Variants in LRRTM4 observed in about 807,000 individuals in gnomAD.
LRRTM4 encodes leucine-rich repeat transmembrane neuronal protein 4.
In LRRTM4, 25 loss-of-function variants were observed where a neutral mutation model predicts 47.6. The ratio of observed to expected loss-of-function variants is 0.53; its 90% CI spans 0.38 to 0.73. The LOEUF is 0.73. Among genes scored for constraint, LRRTM4 ranks in the 30% least tolerant of loss-of-function variants. The pLI is 0.00. For missense variants in LRRTM4, 638 were observed against 713.4 expected (o/e 0.89, Z 1.20); for synonymous variants, 311 against 269.5 (o/e 1.15, Z -1.51).
chr2:77,176,112 C>T (rs1195226688), intron 3 of LRRTM4, among the ~76,000 whole-genome samples: 1 of 151,860 alleles, frequency 6.6e-6, no homozygotes, highest in Non-Finnish European at 1.5e-5. Context: ...TGTATGAATG[C>T]TTGAGGCTTT....
chr2:76,821,838 G>A (rs1232829518), intron 3 of LRRTM4, among the ~76,000 whole-genome samples: 1 of 151,514 alleles, frequency 6.6e-6, no homozygotes, highest in African/African-American at 2.4e-5. Context: ...TTGCCAAAAT[G>A]GAAGGCAAAG....
chr2:77,160,364 G>T (rs142192422), intron 3 of LRRTM4, among the ~76,000 whole-genome samples: 1 of 152,218 alleles, frequency 6.6e-6, no homozygotes, highest in South Asian at 2.1e-4. Flanking sequence ...TTTGTGAGTA[G>T]TGAGCCATAA....
At chr2:77,330,464 A>G (rs1484402974) in intron 3 of LRRTM4, among the ~76,000 whole-genome samples, 1 of 152,124 alleles carries the variant, frequency 6.6e-6, no homozygotes, top group Non-Finnish European at 1.5e-5. Context: ...GAGAGAAGAG[A>G]TCCTTCAATG....
intron 3 of LRRTM4, among the ~76,000 whole-genome samples, chr2:76,891,724 A>G (rs1673260941): frequency 6.6e-6 from 1 of 151,816 alleles, no homozygotes; most frequent in African/African-American, 2.4e-5. Flanking sequence ...TCCAAATGAA[A>G]AAGATATCTA....
chr2:77,011,797 G>GTT (rs1558796753), intron 3 of LRRTM4, among the ~76,000 whole-genome samples: 1 of 151,868 alleles, frequency 6.6e-6, no homozygotes, highest in East Asian at 1.9e-4. Flanking sequence ...TATCTGAGTC[G>GTT]TTTCTCCCTT....
At chr2:77,320,854 A>T (rs1677768051) in intron 3 of LRRTM4, among the ~76,000 whole-genome samples, 1 of 152,126 alleles carries the variant, frequency 6.6e-6, no homozygotes, top group Admixed American at 6.5e-5. Flanking sequence ...CCAACTATAT[A>T]AACATAGAAC....
intron 3 of LRRTM4, among the ~76,000 whole-genome samples, chr2:76,836,387 CTTGTT>C (rs1671513868): frequency 6.6e-6 from 1 of 151,788 alleles, no homozygotes; most frequent in African/African-American, 2.4e-5. Flanking sequence ...TTTCTTCTTT[CTTGTT>C]TTATTTTGAT....
intron 3 of LRRTM4, among the ~76,000 whole-genome samples, chr2:76,929,475 CAAG>C (rs1302590344): frequency 6.6e-6 from 1 of 152,150 alleles, no homozygotes; most frequent in African/African-American, 2.4e-5. Context: ...GAGTTGGGTT[CAAG>C]AAGGAGTGTG....
At chr2:76,869,558 T>G (rs1672565199) in intron 3 of LRRTM4, among the ~76,000 whole-genome samples, 1 of 151,514 alleles carries the variant, frequency 6.6e-6, no homozygotes, top group Non-Finnish European at 1.5e-5. Context: ...ATGATTGATT[T>G]TTTTAAAAAA....
intron 3 of LRRTM4, among the ~76,000 whole-genome samples, chr2:77,384,061 T>TA (rs1673163406): frequency 6.6e-6 from 1 of 152,138 alleles, no homozygotes; most frequent in African/African-American, 2.4e-5. Context: ...TGCCTTTTGT[T>TA]AAAAATGAGT....
At chr2:77,162,035 G>A (rs1672743584) in intron 3 of LRRTM4, among the ~76,000 whole-genome samples, 2 of 152,124 alleles carry the variant, frequency 1.3e-5, no homozygotes, top group South Asian at 4.1e-4. Context: ...GTCAGACAGT[G>A]GGTGTAGCCC....
At chr2:77,435,604 T>A (rs1675559940) in intron 3 of LRRTM4, among the ~76,000 whole-genome samples, 2 of 152,314 alleles carry the variant, frequency 1.3e-5, no homozygotes, top group South Asian at 4.1e-4. Context: ...CCCAGCCACC[T>A]TTCATAGGCT....
At chr2:76,912,321 A>T (rs549761474) in intron 3 of LRRTM4, among the ~76,000 whole-genome samples, 7 of 152,308 alleles carry the variant, frequency 4.6e-5, no homozygotes, top group African/African-American at 1.7e-4. Flanking sequence ...CATGTTAATA[A>T]ATGTAGTCCT....
chr2:77,086,820 T>C (rs1004415871), intron 3 of LRRTM4, among the ~76,000 whole-genome samples: 1 of 152,082 alleles, frequency 6.6e-6, no homozygotes, highest in Non-Finnish European at 1.5e-5. Flanking sequence ...TAAAACCTGC[T>C]TGGTAAAAGC....
chr2:77,153,712 C>T (rs1355846161), intron 3 of LRRTM4, among the ~76,000 whole-genome samples: 6 of 152,090 alleles, frequency 3.9e-5, no homozygotes, highest in Non-Finnish European at 5.9e-5. Context: ...GTTATGAATG[C>T]TTTTAGATTT....
chr2:76,932,080 C>A (rs1181793132), intron 3 of LRRTM4, among the ~76,000 whole-genome samples: 1 of 152,070 alleles, frequency 6.6e-6, no homozygotes, highest in African/African-American at 2.4e-5. Flanking sequence ...GCCCTTTCAA[C>A]GTGAATTTTA....
intron 3 of LRRTM4, among the ~76,000 whole-genome samples, chr2:77,426,582 G>C (rs1196579096): frequency 2.0e-5 from 3 of 152,136 alleles, no homozygotes; most frequent in African/African-American, 7.2e-5. Flanking sequence ...GGAAGTAATT[G>C]ATTCATGGAG....
intron 3 of LRRTM4, among the ~76,000 whole-genome samples, chr2:76,973,710 A>G (rs1676299176): frequency 6.6e-6 from 1 of 152,030 alleles, no homozygotes; most frequent in Non-Finnish European, 1.5e-5. Flanking sequence ...TCTTTCGACA[A>G]GATGGATGAA....
chr2:77,222,541 C>T (rs957081240), intron 3 of LRRTM4, among the ~76,000 whole-genome samples: 1 of 152,154 alleles, frequency 6.6e-6, no homozygotes, highest in Non-Finnish European at 1.5e-5. Context: ...GCCAATCCCA[C>T]AGAACTACAA....
Sources: allele counts gnomAD v4.1 joint callset (sites outside exome capture counted in the v4.1 genomes callset), GRCh38; gene constraint gnomAD v4.1.1; transcripts MANE v1.5; gene names NCBI Gene and HGNC (gene_info 2026-07-23, HGNC 2026-07-21).